Variants in GRN observed in about 807,000 individuals in gnomAD.
GRN encodes granulin precursor.
GRN carries 30 observed loss-of-function variants against 66.7 expected under a neutral mutation model. The observed-to-expected ratio is 0.45, with a 90% confidence interval of 0.34 to 0.61. The LOEUF (loss-of-function observed/expected upper bound fraction) is 0.61, where lower values mean the gene tolerates loss of function less well. GRN is among the 20% of genes least tolerant of loss of function. GRN has a pLI of 0.01. For missense variants in GRN, 731 were observed against 803.5 expected, an observed-to-expected ratio of 0.91 and a Z score of 1.09; for synonymous variants, 327 against 311.1, an observed-to-expected ratio of 1.05 and a Z score of -0.54.
Position 44,349,496 on chromosome 17 carries a change from G to A in GRN, c.209G>A (p.Gly70Asp), listed in dbSNP as rs773605398. ...CAGGTTGATGCCCACTGCTCTGCCG[G>A]CCACTCCTGCATCTTTACCGTCTCA... ...PCQVDAHCSA[G>D]HSCIFTVSGT... The change falls in exon 3 of 13, where the codon GGC (glycine) becomes GAC (aspartate). Residue 70 changes from glycine to aspartate, a missense_variant. By Grantham distance (94) the Gly-to-Asp change is moderately conservative. Coordinates refer to ENST00000053867, the MANE Select transcript of GRN (RefSeq NM_002087.4). The A allele has an allele frequency of 1.2e-6, 2 of 1,614,162 alleles. No homozygotes were observed. Among genetic ancestry groups the A allele is most frequent in the Non-Finnish European group, 1.7e-6 (2 of 1,180,032 alleles).
At chr17:44,347,530 G>A (rs182046824) in intron 1 of GRN, among the ~76,000 whole-genome samples, 362 of 151,730 alleles carry the variant, frequency 2.4e-3, no homozygotes, top group South Asian at 4.2e-3. Flanking sequence ...CTTGGGATCC[G>A]CCCACCTGGG....
chr17:44,351,102 T>C lies in GRN; in HGVS notation c.774T>C (p.Ser258=). ...ACACTGTGTGTGACCTGATCCAGAG[T>C]AAGTGCCTCTCCAAGGAGAACGCTA... is the stretch of plus-strand genomic sequence containing the variant. The part of the protein sequence containing the change: ...PQDTVCDLIQ[S]KCLSKENATT... Residue 258 remains serine, a synonymous_variant, in exon 8 of 13, where the codon AGT becomes AGC. Transcript: ENST00000053867. 1 of 1,613,922 alleles carries C rather than the reference T, an allele frequency of 6.2e-7. No individual in the cohort carries two copies. Among genetic ancestry groups the C allele is most frequent in the Admixed American group, 1.7e-5 (1 of 60,016 alleles).
chr17:44,350,919 T>C (rs1598364186), intron 7 of GRN, 118 bp from the exon 8 acceptor site: 4 of 1,416,420 alleles, frequency 2.8e-6, no homozygotes, highest in East Asian at 2.3e-5. Flanking sequence ...GCCTGGCTGA[T>C]GCAGGGTTCA....
chr17:44,351,294 G>A (rs979891508), intron 8 of GRN, 69 bp from the exon 9 acceptor site: 10 of 1,524,432 alleles, frequency 6.6e-6, no homozygotes, highest in South Asian at 2.2e-5. Context: ...CTGTGGAGCC[G>A]GCAAAGGGTT....
rs1271976620 is a variant in GRN at position 44,350,816 on chromosome 17, G to C, written c.708+16G>C. 4 of 1,589,064 alleles carry C rather than the reference G, an allele frequency of 2.5e-6. No individual in the cohort carries two copies. Among genetic ancestry groups the C allele is most frequent in the African/African-American group, 2.7e-5 (2 of 74,428 alleles). On this transcript the variant is annotated intron_variant, in intron 7 of 12. Transcript: ENST00000053867. Reference sequence around the variant, plus strand: ...AATGCCCAACGTGAGTGAGGGGCTGGAGCCAGCTTGGCTGTGTGCCCCCAG... The same window carrying C: ...AATGCCCAACGTGAGTGAGGGGCTGCAGCCAGCTTGGCTGTGTGCCCCCAG...
At position 44,351,670 on chromosome 17, in the gene GRN, C is replaced by T; in HGVS notation, c.1054C>T (p.Leu352Phe). The change falls in exon 10 of 13, where the codon CTC becomes TTC. Residue 352 changes from leucine to phenylalanine, a missense_variant. This residue lies in a region of GRN where 319 missense variants were observed against 347.2 expected (regional missense o/e 0.92). Transcript: ENST00000053867. ...CTGGATGGAGAAGGCCCCAGCTCAC[C>T]TCAGCCTGCCAGACCCACAAGCCTT... ...VPWMEKAPAH[L>F]SLPDPQALKR... 1 of 1,614,066 alleles carries T rather than the reference C, an allele frequency of 6.2e-7. No homozygotes were observed. The highest frequency in any genetic ancestry group is 8.5e-7 in the Non-Finnish European group (1 of 1,179,986).
At position 44,351,756 on chromosome 17, in the gene GRN, A is replaced by G. The variant is rs930716241; in HGVS notation, c.1140A>G (p.Gln380=). 1 of 1,613,142 alleles carries G rather than the reference A, an allele frequency of 6.2e-7. No individual in the cohort carries two copies. The highest frequency in any genetic ancestry group is 8.5e-7 in the Non-Finnish European group (1 of 1,179,778). Reference sequence around the variant, plus strand: ...GTCCCTCCTCCGATACCTGCTGCCAACTCACGTCTGGGGAGTGGGGCTGCT... The same window carrying G: ...GTCCCTCCTCCGATACCTGCTGCCAGCTCACGTCTGGGGAGTGGGGCTGCT... ...SSCPSSDTCC[Q]LTSGEWGCCP... The change falls in exon 10 of 13, where the codon CAA becomes CAG. Residue 380 remains glutamine (Q), a synonymous_variant. Coordinates refer to ENST00000053867, the MANE Select transcript of GRN (RefSeq NM_002087.4).
In GRN at chr17:44,349,146, G is replaced by A. The variant is rs1162422031; in HGVS notation, c.-7-12G>A. The A allele has an allele frequency of 6.2e-7, 1 of 1,613,764 alleles. No homozygotes were observed. Among genetic ancestry groups the A allele is most frequent in the African/African-American group, 1.3e-5 (1 of 74,926 alleles). On this transcript the variant is annotated splice_polypyrimidine_tract_variant and intron_variant, in intron 1 of 12. Transcript: ENST00000053867. ...CTTAAGCAGTTGCCAGACGTTCCTT[G>A]GTACTTTGCAGGCAGACCATGTGGA...
chr17:44,352,233 C>T lies in GRN; in HGVS notation c.1398C>T (p.Cys466=). ...CCPSLGGSWA[C]CQLPHAVCCE... is the part of the protein sequence containing the mutation. Reference sequence around the variant, plus strand: ...CGAGCCTGGGTGGGAGCTGGGCCTGCTGCCAGTTGCCCCATGTGAGTGCCT... The same window carrying T: ...CGAGCCTGGGTGGGAGCTGGGCCTGTTGCCAGTTGCCCCATGTGAGTGCCT... Residue 466 remains cysteine, a synonymous_variant, in exon 11 of 13, where the codon TGC becomes TGT. Coordinates refer to ENST00000053867, the MANE Select transcript of GRN (RefSeq NM_002087.4). 1 of 1,611,666 alleles carries T rather than the reference C, an allele frequency of 6.2e-7. No individual in the cohort carries two copies.
chr17:44,352,341 G>A lies in GRN; in HGVS notation c.1414G>A (p.Ala472Thr). ...GSWACCQLPH[A>T]VCCEDRQHCC... ...CATTCTGTGCTCCCTTCCCCGCCAG[G>A]CTGTGTGCTGCGAGGATCGCCAGCA... The change falls in exon 12 of 13, where the codon GCT becomes ACT. Residue 472 changes from alanine (A) to threonine (T), a missense_variant and splice_region_variant. By Grantham distance (58) the Ala-to-Thr change is moderately conservative. This residue lies in a region of GRN where 319 missense variants were observed against 347.2 expected (regional missense o/e 0.92). Transcript: ENST00000053867. 1 of 1,612,612 alleles carries A rather than the reference G, an allele frequency of 6.2e-7. No individual in the cohort carries two copies. The highest frequency in any genetic ancestry group is 8.5e-7 in the Non-Finnish European group (1 of 1,179,512).
chr17:44,352,474 TGAAGGACGTGGAGTGTGGG>T lies in GRN; in HGVS notation c.1555_1573del (p.Val519ThrfsTer60). The T allele has an allele frequency of 6.2e-7, 1 of 1,613,948 alleles. No homozygotes were observed. Among genetic ancestry groups the T allele is most frequent in the Non-Finnish European group, 8.5e-7 (1 of 1,179,960 alleles). On this transcript the variant is annotated frameshift_variant, in exon 12 of 13. Transcript: ENST00000053867. LOFTEE classifies it high-confidence loss of function. ...CTGGCCCGTAGCCCTCACGTGGGTG[TGAAGGACGTGGAGTGTGGG>T]GAAGGACACTTCTGCCATGATAACC...
intron 8 of GRN, 63 bp downstream of exon 8, chr17:44,351,226 T>G (rs1403021482): frequency 6.3e-7 from 1 of 1,592,194 alleles, no homozygotes; most frequent in Non-Finnish European, 8.6e-7. Context: ...AGGCCTGGCC[T>G]TAGGATCACT....
chr17:44,350,239 G>A lies in GRN; in HGVS notation c.361G>A (p.Val121Met), dbSNP rs780731069. The A allele has an allele frequency of 2.9e-5, 47 of 1,612,600 alleles. No individual in the cohort carries two copies. The highest frequency in any genetic ancestry group is 1.1e-4 in the East Asian group (5 of 44,884). Residue 121 changes from valine to methionine, a missense_variant, in exon 5 of 13, where the codon GTG (valine) becomes ATG (methionine). Val to Met is a conservative substitution (Grantham distance 21). This residue lies in a region of GRN where 370 missense variants were observed against 379.8 expected (regional missense o/e 0.97). Coordinates refer to ENST00000053867, the MANE Select transcript of GRN (RefSeq NM_002087.4). ...SCFQRSGNNS[V>M]GAIQCPDSQF... ...CATCTTGTCCACAGGTAACAACTCC[G>A]TGGGTGCCATCCAGTGCCCTGATAG...
In GRN at chr17:44,349,552, G is replaced by A. The variant is rs1567885728; in HGVS notation, c.264+1G>A. The A allele has an allele frequency of 6.2e-7, 1 of 1,614,152 alleles. No individual in the cohort carries two copies. Among genetic ancestry groups the A allele is most frequent in the Non-Finnish European group, 8.5e-7 (1 of 1,180,032 alleles). ...TTCCAGTTGCTGCCCCTTCCCAGAG[G>A]TGAGCGTGCCATCAGCCCAGTGGAG... is the stretch of plus-strand genomic sequence containing the variant. On this transcript the variant is annotated splice_donor_variant, in intron 3 of 12. Transcript: ENST00000053867. LOFTEE classifies it high-confidence loss of function.
chr17:44,349,786 G>A lies in GRN; in HGVS notation c.349+35G>A, dbSNP rs376194345. Reference sequence around the variant, plus strand: ...GGGTGTGGGTGCAGGGCAGGCAGACGGGCAGCATGTGGAGTCTGGAACCCA... The same window carrying A: ...GGGTGTGGGTGCAGGGCAGGCAGACAGGCAGCATGTGGAGTCTGGAACCCA... On this transcript the variant is annotated intron_variant, in intron 4 of 12. Transcript: ENST00000053867. The A allele has an allele frequency of 3.2e-5, 46 of 1,418,546 alleles. 1 individual carries two copies. Among genetic ancestry groups the A allele is most frequent in the Admixed American group, 1.2e-4 (7 of 58,888 alleles). The allele number at this position is 1,418,546 out of a possible 1,614,324, so 87.9% of individuals were successfully genotyped here. A position where few individuals can be genotyped will look rare whatever the true frequency, so the allele number is the denominator to read the frequency against.
rs539589188 is a variant in GRN, at chr17:44,349,931, G to A, written c.349+180G>A. 201 of 645,576 alleles carry A rather than the reference G, an allele frequency of 3.1e-4. 4 individuals are homozygous for A. Among genetic ancestry groups the A allele is most frequent in the African/African-American group, 2.8e-3 (155 of 55,562 alleles). The allele number at this position is 645,576 out of a possible 1,614,324, so 40.0% of individuals were successfully genotyped here. On this transcript the variant is annotated intron_variant, in intron 4 of 12. Transcript: ENST00000053867. ...GGCAGCACTGGGGATAGGAGGGTGC[G>A]GGAGAAAGTGCAAGACTCCAGGTCC...
intron 12 of GRN, 31 bp from the exon 13 acceptor site, chr17:44,352,630 C>T: frequency 6.2e-7 from 1 of 1,610,316 alleles, no homozygotes; most frequent in East Asian, 2.2e-5. Flanking sequence ...CCCACCTCGT[C>T]CAACCCTCTC....
chr17:44,350,883 T>TG lies in GRN; in HGVS notation c.708+87dup. On this transcript the variant is annotated intron_variant, in intron 7 of 12. Coordinates refer to ENST00000053867, the MANE Select transcript of GRN (RefSeq NM_002087.4). Reference sequence around the variant, plus strand: ...CGCACCTTACAGGGGCTCTGTGGCATGGGGCTGGCTGGCTGCTTGCTGGGA... The same window carrying TG: ...CGCACCTTACAGGGGCTCTGTGGCATGGGGGCTGGCTGGCTGCTTGCTGGGA... The TG allele has an allele frequency of 2.1e-6, 3 of 1,400,476 alleles. No homozygotes were observed. The Admixed American group carries it at 5.0e-5, about 24-fold the overall frequency. 86.8% of individuals were successfully genotyped at this position (1,400,476 alleles called of 1,614,324 possible). A position where few individuals can be genotyped will look rare whatever the true frequency, so the allele number is the denominator to read the frequency against.
intron 4 of GRN, 148 bp from the exon 5 acceptor site, chr17:44,350,080 G>A (rs1373604235): frequency 4.9e-5 from 36 of 727,864 alleles, no homozygotes; most frequent in Non-Finnish European, 7.7e-5. Context: ...GGGTGAGTTA[G>A]GCCTGCCTAG....
Sources: gnomAD v4.1 joint callset for allele counts (sites outside exome capture counted in the v4.1 genomes callset) on GRCh38, gnomAD v4.1.1 for gene constraint, gnomAD v4.1.1 regional missense constraint, MANE v1.5 for transcripts, NCBI Gene and HGNC (gene_info 2026-07-23, HGNC 2026-07-21) for gene names.